NEGR1: variants seen among roughly 807,000 people sequenced by gnomAD.
NEGR1 encodes neuronal growth regulator 1.
NEGR1 carries 10 observed loss-of-function variants against 40.9 expected under a neutral mutation model. That is an observed-to-expected ratio of 0.24 (90% CI 0.15 to 0.42). The LOEUF (loss-of-function observed/expected upper bound fraction) is 0.42. Ranked by LOEUF, NEGR1 falls within the 10% of genes least tolerant of loss-of-function variation. The pLI is 1.00. For missense variants in NEGR1, 352 were observed against 438.9 expected, an observed-to-expected ratio of 0.80 and a Z score of 1.77; for synonymous variants, 185 against 166.8, an observed-to-expected ratio of 1.11 and a Z score of -0.84.
intron 4 of NEGR1, among the ~76,000 whole-genome samples, chr1:71,636,559 A>T (rs1651157505): frequency 6.6e-6 from 1 of 152,074 alleles, no homozygotes; most frequent in Non-Finnish European, 1.5e-5. Flanking sequence ...ATCAAAAGCA[A>T]GCTTCTCCAA....
At chr1:72,134,582 C>T (rs1650379516) in intron 1 of NEGR1, among the ~76,000 whole-genome samples, 1 of 150,664 alleles carries the variant, frequency 6.6e-6, no homozygotes, top group South Asian at 2.1e-4. Context: ...CAATTTCATG[C>T]CTAAACCAAC....
intron 4 of NEGR1, among the ~76,000 whole-genome samples, chr1:71,631,151 T>C (rs1650956563): frequency 6.6e-6 from 1 of 151,906 alleles, no homozygotes; most frequent in Non-Finnish European, 1.5e-5. Flanking sequence ...GTGTCCACTG[T>C]TTTGCTTTTT....
rs561130189 is a variant in NEGR1 at position 71,616,901 on chromosome 1, A to G, written c.668-5755T>C. Among the ~76,000 whole-genome samples, 3 of 152,336 alleles carry G rather than the reference A, an allele frequency of 2.0e-5. No individual in the cohort carries two copies. The East Asian group carries it at 5.8e-4, about 29-fold the overall frequency. On this transcript the variant is annotated intron_variant, in intron 4 of 6. Transcript: ENST00000357731. ...AGAAAATAACAAGAGTGCTACTTAA[A>G]TTACAAGTTCTTTGTAACAGGTGAT...
chr1:71,661,098 C>T (rs779228872), intron 4 of NEGR1, among the ~76,000 whole-genome samples: 9 of 152,158 alleles, frequency 5.9e-5, no homozygotes, highest in Non-Finnish European at 8.8e-5. Context: ...TCCAGTCTAA[C>T]ATTGATGAGC....
chr1:72,022,666 G>T (rs1018260709), intron 1 of NEGR1, among the ~76,000 whole-genome samples: 2 of 151,762 alleles, frequency 1.3e-5, no homozygotes, highest in African/African-American at 4.8e-5. Context: ...AACATGACCC[G>T]GTATTTGCTA....
chr1:72,020,325 A>G (rs558140192), intron 1 of NEGR1, among the ~76,000 whole-genome samples: 1 of 152,292 alleles, frequency 6.6e-6, no homozygotes, highest in Admixed American at 6.5e-5. Context: ...GGCAACAGAC[A>G]AGATCTGGGA....
intron 1 of NEGR1, among the ~76,000 whole-genome samples, chr1:71,943,012 ATATG>A (rs1247347034): frequency 7.4e-6 from 1 of 134,898 alleles, no homozygotes; most frequent in Non-Finnish European, 1.6e-5. Flanking sequence ...GTGTATATAT[ATATG>A]TGTATATATA....
intron 1 of NEGR1, among the ~76,000 whole-genome samples, chr1:72,270,863 G>C (rs1655818753): frequency 6.6e-6 from 1 of 151,836 alleles, no homozygotes; most frequent in Non-Finnish European, 1.5e-5. Flanking sequence ...ACACGTTTTA[G>C]TGTGTTTCTA....
At chr1:71,956,777 A>G (rs1388433590) in intron 1 of NEGR1, among the ~76,000 whole-genome samples, 1 of 152,136 alleles carries the variant, frequency 6.6e-6, no homozygotes, top group Non-Finnish European at 1.5e-5. Flanking sequence ...CACAGCCAGG[A>G]TAAAGAGTTC....
At chr1:72,180,332 C>T (rs1652318902) in intron 1 of NEGR1, among the ~76,000 whole-genome samples, 1 of 151,330 alleles carries the variant, frequency 6.6e-6, no homozygotes, top group African/African-American at 2.4e-5. Context: ...ATAAAAGACC[C>T]AAACATAAAA....
At chr1:71,491,665 C>T (rs1022527275) in intron 6 of NEGR1, among the ~76,000 whole-genome samples, 10 of 151,642 alleles carry the variant, frequency 6.6e-5, no homozygotes, top group Non-Finnish European at 8.8e-5. Flanking sequence ...CCAACCTTAC[C>T]GTGGCCAGCC....
intron 1 of NEGR1, among the ~76,000 whole-genome samples, chr1:72,269,977 C>A (rs765958642): frequency 1.3e-5 from 2 of 151,530 alleles, no homozygotes; most frequent in East Asian, 1.9e-4. Flanking sequence ...CAGTTGGTGC[C>A]GAGTAAATGC....
chr1:71,968,116 T>G (rs1271518464), intron 1 of NEGR1, among the ~76,000 whole-genome samples: 1 of 152,180 alleles, frequency 6.6e-6, no homozygotes, highest in Non-Finnish European at 1.5e-5. Context: ...TTATTTACTC[T>G]CTCTAAAGTC....
chr1:71,589,566 C>T (rs886466340), intron 6 of NEGR1, among the ~76,000 whole-genome samples: 2 of 151,944 alleles, frequency 1.3e-5, no homozygotes, highest in African/African-American at 4.8e-5. Context: ...ATCTAAAAAC[C>T]TTAATTCTTT....
chr1:71,690,667 T>C (rs867987621), intron 4 of NEGR1, among the ~76,000 whole-genome samples: 3 of 32,588 alleles, frequency 9.2e-5, no homozygotes, highest in South Asian at 1.3e-3. Context: ...GAGAGAGAGA[T>C]TGAGATTTGC....
At chr1:72,255,975 T>C (rs921641753) in intron 1 of NEGR1, among the ~76,000 whole-genome samples, 1 of 152,236 alleles carries the variant, frequency 6.6e-6, no homozygotes, top group African/African-American at 2.4e-5. Flanking sequence ...TGTCATGTTT[T>C]ATATGGTAAT....
At position 71,558,718 on chromosome 1, in the gene NEGR1, CTTTCTTTTTTTTTT is replaced by C. The variant is rs1439468093; in HGVS notation, c.940+34085_940+34098del. ...TGACATGCACCTCATCCTTTCTTTT[CTTTCTTTTTTTTTT>C]TTTTTTTTAGCACTTCTTTACATCC... On this transcript the variant is annotated intron_variant, in intron 6 of 6. Coordinates refer to ENST00000357731, the MANE Select transcript of NEGR1 (RefSeq NM_173808.3). Among the ~76,000 whole-genome samples the C allele has an allele frequency of 3.1e-4, 37 of 118,386 alleles. No homozygotes were observed. In the East Asian group the frequency reaches 0.012, roughly 37 times the overall value. The allele number at this position is 118,386 out of a possible 152,430, so 77.7% of individuals were successfully genotyped here.
intron 1 of NEGR1, among the ~76,000 whole-genome samples, chr1:71,947,383 T>C (rs1646031316): frequency 6.6e-6 from 1 of 152,016 alleles, no homozygotes; most frequent in Non-Finnish European, 1.5e-5. Flanking sequence ...TTTTCATAAA[T>C]AAGTCTATGG....
intron 3 of NEGR1, among the ~76,000 whole-genome samples, chr1:71,724,663 C>T (rs1319797245): frequency 6.6e-6 from 1 of 152,062 alleles, no homozygotes; most frequent in African/African-American, 2.4e-5. Context: ...GTTTTTAAGA[C>T]TTCTTCATTG....
Sources: allele counts gnomAD v4.1 joint callset (sites outside exome capture counted in the v4.1 genomes callset), GRCh38; gene constraint gnomAD v4.1.1; transcripts MANE v1.5; gene names NCBI Gene and HGNC (gene_info 2026-07-23, HGNC 2026-07-21).